Variants in OSBPL8 observed in about 807,000 individuals in gnomAD.
OSBPL8 encodes oxysterol binding protein like 8, also known as oxysterol-binding protein-related protein 8.
OSBPL8 carries 59 observed loss-of-function variants against 125.5 expected under a neutral mutation model. The observed-to-expected ratio is 0.47, with a 90% confidence interval of 0.38 to 0.58. The LOEUF (loss-of-function observed/expected upper bound fraction) is 0.58. Ranked by LOEUF, OSBPL8 falls within the 20% of genes least tolerant of loss-of-function variation. OSBPL8 has a pLI of 0.00. For missense variants in OSBPL8, 758 were observed against 1,047.8 expected (o/e 0.72, Z 3.82); for synonymous variants, 330 against 338.9 (o/e 0.97, Z 0.29).
intron 1 of OSBPL8, among the ~76,000 whole-genome samples, chr12:76,543,724 C>T (rs906338490): frequency 8.5e-5 from 13 of 152,086 alleles, no homozygotes; most frequent in Non-Finnish European, 8.8e-5. Context: ...TGGATAACCA[C>T]AAACTACATA....
intron 3 of OSBPL8, 92 bp from the exon 4 acceptor site, chr12:76,451,080 T>C (rs1873348993): frequency 1.5e-6 from 2 of 1,314,458 alleles, no homozygotes; most frequent in African/African-American, 1.5e-5. Context: ...AAAACTGAAA[T>C]GGCCTTGGTG....
intron 2 of OSBPL8, among the ~76,000 whole-genome samples, chr12:76,471,064 A>G (rs1876078814): frequency 6.6e-6 from 1 of 152,240 alleles, no homozygotes; most frequent in Non-Finnish European, 1.5e-5. Flanking sequence ...CTCTCTTTCA[A>G]TAAGAATAAG....
chr12:76,466,437 ACATATT>A (rs1242176888), intron 2 of OSBPL8, among the ~76,000 whole-genome samples: 1 of 152,200 alleles, frequency 6.6e-6, no homozygotes, highest in Non-Finnish European at 1.5e-5. Flanking sequence ...ACACAGCACC[ACATATT>A]ACTCACTGTC....
intron 2 of OSBPL8, among the ~76,000 whole-genome samples, chr12:76,472,812 C>T (rs570298595): frequency 6.6e-6 from 1 of 152,198 alleles, no homozygotes; most frequent in East Asian, 1.9e-4. Flanking sequence ...AGGAGCATGA[C>T]CACTGAAGCA....
At chr12:76,413,935 T>C (rs892553870) in intron 4 of OSBPL8, among the ~76,000 whole-genome samples, 2 of 152,310 alleles carry the variant, frequency 1.3e-5, no homozygotes, top group East Asian at 1.9e-4. Context: ...TTAATTTTCA[T>C]GTAGTCAAAT....
intron 4 of OSBPL8, among the ~76,000 whole-genome samples, chr12:76,413,775 C>T (rs556065342): frequency 2.6e-5 from 4 of 151,544 alleles, no homozygotes; most frequent in Middle Eastern, 3.4e-3. Flanking sequence ...ACCTTTTGTA[C>T]ATTAAAAAAA....
intron 1 of OSBPL8, among the ~76,000 whole-genome samples, chr12:76,524,179 A>G (rs1950101056): frequency 6.6e-6 from 1 of 152,212 alleles, no homozygotes; most frequent in African/African-American, 2.4e-5. Flanking sequence ...TTGGAGCTAA[A>G]TAAGATATAG....
In OSBPL8 at chr12:76,422,017, T is replaced by C. The variant is rs1231103077; in HGVS notation, c.218-11383A>G. ...AGAAAGCTTCACTTTAGTCAGAATTTAAGATAAATTTAAGAATTTAAGATA... is the reference window on the plus strand; with the variant it reads ...AGAAAGCTTCACTTTAGTCAGAATTCAAGATAAATTTAAGAATTTAAGATA... On this transcript the variant is annotated intron_variant, in intron 4 of 23. Transcript: ENST00000261183. Among the ~76,000 whole-genome samples, 4 of 151,990 alleles carry C rather than the reference T, an allele frequency of 2.6e-5. 1 individual carries two copies. Among genetic ancestry groups the C allele is most frequent in the Admixed American group, 2.6e-4 (4 of 15,258 alleles).
intron 1 of OSBPL8, among the ~76,000 whole-genome samples, chr12:76,520,389 AG>A (rs1363076523): frequency 2.0e-5 from 3 of 152,174 alleles, no homozygotes; most frequent in African/African-American, 7.2e-5. Flanking sequence ...ATTAGATCCA[AG>A]GCTCCATAAG....
chr12:76,540,986 C>T (rs1443270165), intron 1 of OSBPL8, among the ~76,000 whole-genome samples: 1 of 151,956 alleles, frequency 6.6e-6, no homozygotes. Context: ...AAAAAGAAAA[C>T]ACAGCTAGCA....
In OSBPL8 at chr12:76,487,596, G is replaced by C. The variant is rs888172046; in HGVS notation, c.-45C>G. 6.6e-7 allele frequency: 1 copy of C among 1,516,398 alleles called. No homozygotes were observed. Among genetic ancestry groups the C allele is most frequent in the Non-Finnish European group, 8.9e-7 (1 of 1,122,496 alleles). The allele number at this position is 1,516,398 out of a possible 1,614,324, so 93.9% of individuals were successfully genotyped here. A position where few individuals can be genotyped will look rare whatever the true frequency, so the allele number is the denominator to read the frequency against. ...ATGCTTCTCTTTCCATTAATGTGCAGCCATTCTGTAAATCTGCAAATCCTA... is the reference window on the plus strand; with the variant it reads ...ATGCTTCTCTTTCCATTAATGTGCACCCATTCTGTAAATCTGCAAATCCTA... On this transcript the variant is annotated 5_prime_UTR_variant, in exon 2 of 24. Coordinates refer to ENST00000261183, the MANE Select transcript of OSBPL8 (RefSeq NM_020841.5).
Position 76,397,953 on chromosome 12 carries a change from G to T in OSBPL8, c.469-56C>A. 7.1e-6 allele frequency: 10 copies of T among 1,415,484 alleles called. No individual in the cohort carries two copies. In the South Asian group the frequency reaches 1.2e-4, roughly 17 times the overall value. 87.7% of individuals were successfully genotyped at this position (1,415,484 alleles called of 1,614,324 possible). A position where few individuals can be genotyped will look rare whatever the true frequency, so the allele number is the denominator to read the frequency against. ...AAGATCTGTTCTCCAAGGTCCAAAC[G>T]AAAATACTGCAAATAAGATGTTTTA... On this transcript the variant is annotated intron_variant, in intron 7 of 23. Coordinates refer to ENST00000261183, the MANE Select transcript of OSBPL8 (RefSeq NM_020841.5).
At chr12:76,382,031 G>A (rs771299811) in intron 15 of OSBPL8, among the ~76,000 whole-genome samples, 1 of 152,014 alleles carries the variant, frequency 6.6e-6, no homozygotes, top group East Asian at 1.9e-4. Context: ...CACCATGCGC[G>A]GCCTACTTTC....
At chr12:76,376,087 A>G (rs78990360) in intron 16 of OSBPL8, among the ~76,000 whole-genome samples, 10,356 of 152,330 alleles carry the variant, frequency 0.068, 775 homozygotes, top group East Asian at 0.3. Context: ...AGAGGCTCAC[A>G]GGAATCCAAT....
rs144564266 is a variant in OSBPL8, at chr12:76,442,869, G to T, written c.217+7982C>A. Among the ~76,000 whole-genome samples, 105 of 152,242 alleles carry T rather than the reference G, an allele frequency of 6.9e-4. 1 individual carries two copies. In the East Asian group the frequency reaches 0.02, roughly 29 times the overall value. On this transcript the variant is annotated intron_variant, in intron 4 of 23. Transcript: ENST00000261183. ...TGAGATTATACCAGTAATGTGTAACGCTGTCACCCTGGGGAATCTGGTACA... is the reference window on the plus strand; with the variant it reads ...TGAGATTATACCAGTAATGTGTAACTCTGTCACCCTGGGGAATCTGGTACA...
chr12:76,392,451 T>C (rs563786379), intron 10 of OSBPL8, 130 bp downstream of exon 10: 8 of 751,594 alleles, frequency 1.1e-5, no homozygotes, highest in African/African-American at 1.0e-4. Flanking sequence ...AGCCGGTTCC[T>C]AGGCCATATA....
chr12:76,439,198 G>A (rs983855740), intron 4 of OSBPL8, among the ~76,000 whole-genome samples: 4 of 152,120 alleles, frequency 2.6e-5, no homozygotes, highest in Non-Finnish European at 5.9e-5. Flanking sequence ...GGCCAATATG[G>A]TGAAACCCCA....
intron 4 of OSBPL8, among the ~76,000 whole-genome samples, chr12:76,411,780 A>G (rs900330357): frequency 2.6e-5 from 4 of 152,134 alleles, no homozygotes; most frequent in African/African-American, 9.7e-5. Context: ...GATTTGGGGT[A>G]GTGGTCTCTT....
intron 1 of OSBPL8, among the ~76,000 whole-genome samples, chr12:76,538,602 T>G (rs1207692582): frequency 6.6e-6 from 1 of 152,200 alleles, no homozygotes; most frequent in Non-Finnish European, 1.5e-5. Context: ...TTTATCATTG[T>G]AAACAAACTT....
Sources: gnomAD v4.1 joint callset for allele counts (sites outside exome capture counted in the v4.1 genomes callset) on GRCh38, gnomAD v4.1.1 for gene constraint, MANE v1.5 for transcripts, NCBI Gene and HGNC (gene_info 2026-07-23, HGNC 2026-07-21) for gene names.